CSF2RB: variants seen among roughly 807,000 people sequenced by gnomAD.
CSF2RB encodes colony stimulating factor 2 receptor subunit beta.
In CSF2RB, 22 loss-of-function variants were observed where a neutral mutation model predicts 67.2. That is an observed-to-expected ratio of 0.33 (90% confidence interval 0.23 to 0.47). The LOEUF is 0.47. CSF2RB is among the 20% of genes least tolerant of loss of function. The pLI is 1.00. For synonymous variants in CSF2RB, 507 were observed against 482.9 expected, an observed-to-expected ratio of 1.05 and a Z score of -0.65; for missense variants, 1,113 against 1,174.5, an observed-to-expected ratio of 0.95 and a Z score of 0.76.
At chr22:36,919,263 A>G (rs1940795047) in intron 1 of CSF2RB, among the ~76,000 whole-genome samples, 1 of 152,178 alleles carries the variant, frequency 6.6e-6, no homozygotes. Context: ...CTGCTTCTGA[A>G]TGCTGGAATT....
chr22:36,932,928 G>A, intron 9 of CSF2RB, 24 bp downstream of exon 9: 2 of 1,613,072 alleles, frequency 1.2e-6, no homozygotes, highest in South Asian at 1.1e-5. Context: ...CCCAGGGAGG[G>A]GAGAAACACT....
In CSF2RB at chr22:36,938,045, C is replaced by A; in HGVS notation, c.2237C>A (p.Pro746His). Residue 746 changes from proline (P) to histidine (H), a missense_variant, in exon 14 of 14, where the codon CCT becomes CAT. Transcript: ENST00000403662. ...TCAGACCAGACCCCCAGCTTATGTCCTGGGCTGGCCAGTGGACCCCCTGGA... is the reference window on the plus strand; with the variant it reads ...TCAGACCAGACCCCCAGCTTATGTCATGGGCTGGCCAGTGGACCCCCTGGA... ...LPSDQTPSLC[P>H]GLASGPPGAP... The A allele has an allele frequency of 6.2e-7, 1 of 1,614,098 alleles. No homozygotes were observed.
intron 10 of CSF2RB, 43 bp from the exon 11 acceptor site, chr22:36,935,308 C>T (rs751061331): frequency 3.0e-5 from 48 of 1,597,152 alleles, no homozygotes; most frequent in Middle Eastern, 1.7e-4. Flanking sequence ...GTCGATTTCC[C>T]GCCCAGATGC....
Position 36,937,361 on chromosome 22 carries a change from C to T in CSF2RB, c.1569-16C>T, listed in dbSNP as rs1941289320. On this transcript the variant is annotated splice_polypyrimidine_tract_variant and intron_variant, in intron 13 of 13. Transcript: ENST00000403662. This position sits in a 1 kb window ranked among gnomAD's most constrained non-coding sequence, Gnocchi z 4.6. ...CCAGGGTGGTCCCAACTCTTCTGCCCATTTTCTTCCCACAGGGTGTTCCCT... is the reference window on the plus strand; with the variant it reads ...CCAGGGTGGTCCCAACTCTTCTGCCTATTTTCTTCCCACAGGGTGTTCCCT... The T allele has an allele frequency of 1.9e-6, 3 of 1,612,342 alleles. No individual in the cohort carries two copies. The highest frequency in any genetic ancestry group is 1.1e-5 in the South Asian group (1 of 91,062).
At position 36,939,269 on chromosome 22, in the gene CSF2RB, T is replaced by C. The variant is rs1005668294; in HGVS notation, c.*767T>C. The C allele has an allele frequency of 1.0e-5, 7 of 702,030 alleles. No homozygotes were observed. In the African/African-American group the frequency reaches 1.2e-4, roughly 12 times the overall value. 43.5% of individuals were successfully genotyped at this position (702,030 alleles called of 1,614,324 possible). On this transcript the variant is annotated 3_prime_UTR_variant, in exon 14 of 14. Coordinates refer to ENST00000403662, the MANE Select transcript of CSF2RB (RefSeq NM_000395.3). ...CATGTAGAGAAGTTAACGGCCCAAG[T>C]GGTGGGCAGGCTGGCGGGACCTGGG...
Position 36,935,615 on chromosome 22 carries a change from C to T in CSF2RB, c.1407-15C>T, listed in dbSNP as rs368021477. On this transcript the variant is annotated splice_polypyrimidine_tract_variant and intron_variant, in intron 11 of 13. Transcript: ENST00000403662. ...TGAGGTCTCTGATGGCTGTCACCTC[C>T]GTGGTGTCTTCCAGGCTGCGCAGAA... 1.1e-4 allele frequency: 173 copies of T among 1,614,182 alleles called. 1 individual carries two copies. The African/African-American group carries it at 1.2e-3, about 11-fold the overall frequency.
At chr22:36,933,725 G>A (rs574229016) in intron 9 of CSF2RB, 107 bp from the exon 10 acceptor site, 5 of 1,431,630 alleles carry the variant, frequency 3.5e-6, no homozygotes, top group South Asian at 1.2e-5. Context: ...CAGGCCTGGG[G>A]TATGGCAGGA....
rs771286118 is a variant in CSF2RB, at chr22:36,933,811, A to G, written c.1153-21A>G. 3 of 1,599,772 alleles carry G rather than the reference A, an allele frequency of 1.9e-6. No homozygotes were observed. In the South Asian group the frequency reaches 3.3e-5, roughly 18 times the overall value. ...TCCCACGGGCACCGGGCCAGGCCTCACCCTCAGTGCCAACCCACAGGACAG... is the reference window on the plus strand; with the variant it reads ...TCCCACGGGCACCGGGCCAGGCCTCGCCCTCAGTGCCAACCCACAGGACAG... On this transcript the variant is annotated intron_variant, in intron 9 of 13. Coordinates refer to ENST00000403662, the MANE Select transcript of CSF2RB (RefSeq NM_000395.3).
chr22:36,929,938 G>A lies in CSF2RB; in HGVS notation c.718+131G>A, dbSNP rs551062009. ...CTCCTGCTGCCATCTTTCCAGTAGCGTCCCTGGGCCGTCCCACCTCTACTG... is the reference window on the plus strand; with the variant it reads ...CTCCTGCTGCCATCTTTCCAGTAGCATCCCTGGGCCGTCCCACCTCTACTG... On this transcript the variant is annotated intron_variant, in intron 6 of 13. Transcript: ENST00000403662. 2,291 of 1,250,492 alleles carry A rather than the reference G, an allele frequency of 1.8e-3. 5 individuals carry two copies. Among genetic ancestry groups the A allele is most frequent in the Non-Finnish European group, 2.2e-3 (1,961 of 903,360 alleles). 77.5% of individuals were successfully genotyped at this position (1,250,492 alleles called of 1,614,324 possible).
In CSF2RB at chr22:36,930,460, G is replaced by A. The variant is rs760667424; in HGVS notation, c.804G>A (p.Val268=). 6 of 1,613,708 alleles carry A rather than the reference G, an allele frequency of 3.7e-6. No homozygotes were observed. The Admixed American group carries it at 8.3e-5, about 22-fold the overall frequency. ...LSCSWEVRKE[V]ASSVSFGLFY... ...GCTCCTGGGAGGTGAGGAAGGAGGT[G>A]GCCAGCTCGGTCTCCTTTGGCCTAT... is the stretch of plus-strand genomic sequence containing the variant. The change falls in exon 7 of 14, where the codon GTG becomes GTA. Residue 268 remains valine, a synonymous_variant. Transcript: ENST00000403662.
Position 36,928,548 on chromosome 22 carries a change from T to C in CSF2RB, c.392-854T>C, listed in dbSNP as rs116069543. Reference sequence around the variant, plus strand: ...CATCCTATGTGTGAGGATGTTTTCGTTTGAAAGCCATCCCTCAGCAAGCAG... The same window carrying C: ...CATCCTATGTGTGAGGATGTTTTCGCTTGAAAGCCATCCCTCAGCAAGCAG... On this transcript the variant is annotated intron_variant, in intron 4 of 13. Transcript: ENST00000403662. Among the ~76,000 whole-genome samples the C allele has an allele frequency of 7.7e-3, 1,172 of 152,066 alleles. 16 individuals are homozygous for C. The highest frequency in any genetic ancestry group is 0.027 in the African/African-American group (1,110 of 41,530).
At chr22:36,919,927 T>A (rs935853131) in intron 1 of CSF2RB, among the ~76,000 whole-genome samples, 1 of 152,210 alleles carries the variant, frequency 6.6e-6, no homozygotes, top group African/African-American at 2.4e-5. Flanking sequence ...AGATGTGCGC[T>A]GTTTTGACAT....
At chr22:36,914,631 C>G (rs563480434) in intron 1 of CSF2RB, among the ~76,000 whole-genome samples, 4 of 152,264 alleles carry the variant, frequency 2.6e-5, no homozygotes, top group African/African-American at 9.6e-5. Context: ...CCTTGTCAGA[C>G]AGGTGCTAGC....
Position 36,919,334 on chromosome 22 carries a change from G to T in CSF2RB, c.-172-2702G>T, listed in dbSNP as rs141818063. ...AGACTTTTCATCTCCTTGACTATTT[G>T]CTCTATTTTATATATCTATCTTTTT... On this transcript the variant is annotated intron_variant, in intron 1 of 13. Coordinates refer to ENST00000403662, the MANE Select transcript of CSF2RB (RefSeq NM_000395.3). 6.4e-4 allele frequency among the ~76,000 whole-genome samples: 97 copies of T among 152,184 alleles called. 1 individual carries two copies. In the East Asian group the frequency reaches 0.016, roughly 25 times the overall value.
At chr22:36,923,173 G>T in intron 2 of CSF2RB, 71 bp from the exon 3 acceptor site, 1 of 1,612,262 alleles carries the variant, frequency 6.2e-7, no homozygotes, top group Middle Eastern at 1.7e-4. Flanking sequence ...ACATCCCAAA[G>T]CAGCTGGGGG....
At chr22:36,921,108 T>G (rs1023148457) in intron 1 of CSF2RB, among the ~76,000 whole-genome samples, 1 of 117,572 alleles carries the variant, frequency 8.5e-6, no homozygotes, top group Non-Finnish European at 2.0e-5. Flanking sequence ...TGTGTGTCTG[T>G]GTATGTGTGC....
Position 36,937,312 on chromosome 22 carries a change from T to G in CSF2RB, c.1569-65T>G, listed in dbSNP as rs1941287339. 1 of 1,591,708 alleles carries G rather than the reference T, an allele frequency of 6.3e-7. No individual in the cohort carries two copies. The highest frequency in any genetic ancestry group is 1.3e-5 in the African/African-American group (1 of 74,506). On this transcript the variant is annotated intron_variant, in intron 13 of 13. Coordinates refer to ENST00000403662, the MANE Select transcript of CSF2RB (RefSeq NM_000395.3). The surrounding 1 kb of genome is among the most constrained non-coding windows in gnomAD (Gnocchi z 4.6). Reference sequence around the variant, plus strand: ...AACCATCTCCACCCCACCAAGACCCTTGTGCCTGACCCGGATCATCTGCCC... The same window carrying G: ...AACCATCTCCACCCCACCAAGACCCGTGTGCCTGACCCGGATCATCTGCCC...
intron 1 of CSF2RB, among the ~76,000 whole-genome samples, chr22:36,919,139 T>G (rs545881624): frequency 5.9e-5 from 9 of 152,328 alleles, no homozygotes; most frequent in African/African-American, 2.2e-4. Flanking sequence ...AGCAATAAAC[T>G]CAGCTAAAAC....
At chr22:36,919,729 A>T (rs935899316) in intron 1 of CSF2RB, among the ~76,000 whole-genome samples, 3 of 151,898 alleles carry the variant, frequency 2.0e-5, no homozygotes, top group Admixed American at 6.6e-5. Flanking sequence ...ATTTTTTTTT[A>T]AATTATGGAT....
Sources: gnomAD v4.1 joint callset for allele counts (sites outside exome capture counted in the v4.1 genomes callset) on GRCh38, gnomAD v4.1.1 for gene constraint, Gnocchi (gnomAD v3.1) non-coding constraint, MANE v1.5 for transcripts, NCBI Gene and HGNC (gene_info 2026-07-23, HGNC 2026-07-21) for gene names.